Variants in CNTN4 observed in about 807,000 individuals in gnomAD.
CNTN4 encodes contactin-4.
CNTN4 carries 77 observed loss-of-function variants against 122.5 expected under a neutral mutation model. The observed-to-expected ratio is 0.63, with a 90% CI of 0.52 to 0.76. CNTN4 has a LOEUF of 0.76. Ranked by LOEUF, CNTN4 falls within the 30% of genes least tolerant of loss-of-function variation. CNTN4 has a pLI of 0.00. For synonymous variants in CNTN4, 512 were observed against 447.0 expected (o/e 1.15, Z -1.83); for missense variants, 1,256 against 1,259.1 (o/e 1.00, Z 0.04).
chr3:2,310,969 A>T (rs1305977825), intron 2 of CNTN4, among the ~76,000 whole-genome samples: 1 of 151,752 alleles, frequency 6.6e-6, no homozygotes, highest in African/African-American at 2.4e-5. Context: ...AAACAAAAAG[A>T]CTCCCTTGAC....
At chr3:2,996,672 C>G (rs1299697564) in intron 14 of CNTN4, among the ~76,000 whole-genome samples, 1 of 152,122 alleles carries the variant, frequency 6.6e-6, no homozygotes, top group Non-Finnish European at 1.5e-5. Context: ...TTTAATTGAA[C>G]TTATTACCAC....
intron 6 of CNTN4, among the ~76,000 whole-genome samples, chr3:2,794,945 C>A (rs1223874856): frequency 1.3e-5 from 2 of 152,064 alleles, no homozygotes; most frequent in Non-Finnish European, 2.9e-5. Flanking sequence ...GATCTAATCA[C>A]TTACCAATGG....
intron 3 of CNTN4, among the ~76,000 whole-genome samples, chr3:2,548,162 G>A (rs1282530831): frequency 2.0e-5 from 3 of 152,142 alleles, no homozygotes; most frequent in Admixed American, 2.0e-4. Flanking sequence ...TTGCTGTGCG[G>A]AAGCTCTTTA....
chr3:2,861,982 C>T (rs780793246), intron 7 of CNTN4, among the ~76,000 whole-genome samples: 2 of 152,230 alleles, frequency 1.3e-5, no homozygotes, highest in Non-Finnish European at 2.9e-5. Flanking sequence ...ACAGAATCAG[C>T]TCTTCTGAAT....
At chr3:2,988,243 C>A in intron 13 of CNTN4, 102 bp from the exon 14 acceptor site, 1 of 1,086,112 alleles carries the variant, frequency 9.2e-7, no homozygotes, top group Non-Finnish European at 1.4e-6. Context: ...AATAATGTAG[C>A]AATGATTTAT....
chr3:2,853,953 A>T (rs772444514), intron 7 of CNTN4, among the ~76,000 whole-genome samples: 21 of 152,212 alleles, frequency 1.4e-4, no homozygotes, highest in Non-Finnish European at 2.5e-4. Context: ...ATTGCTAAGA[A>T]GATGAAAAGT....
chr3:2,283,049 A>T (rs76466128), intron 2 of CNTN4, among the ~76,000 whole-genome samples: 1,852 of 152,224 alleles, frequency 0.012, 36 homozygotes, highest in African/African-American at 0.042. Flanking sequence ...TAGAGGAAAA[A>T]ATTCTGGAGT....
At chr3:2,560,822 G>T (rs551992671) in intron 3 of CNTN4, among the ~76,000 whole-genome samples, 3 of 152,230 alleles carry the variant, frequency 2.0e-5, no homozygotes, top group East Asian at 3.9e-4. Context: ...CGTACTGCAC[G>T]TCAGTTACTA....
At position 2,503,750 on chromosome 3, in the gene CNTN4, AT is replaced by A. The variant is rs2076659350; in HGVS notation, c.-88-67663del. ...GCATTACAGGCAAAGGAGAGAATAT[AT>A]TTACATAGATAGGAAAAATAGCATG... On this transcript the variant is annotated intron_variant, in intron 3 of 24. Transcript: ENST00000418658. 4.6e-5 allele frequency among the ~76,000 whole-genome samples: 7 copies of A among 152,202 alleles called. No individual in the cohort carries two copies. The South Asian group carries it at 1.2e-3, about 27-fold the overall frequency.
intron 2 of CNTN4, among the ~76,000 whole-genome samples, chr3:2,173,931 A>G (rs1460476303): frequency 6.6e-6 from 1 of 152,180 alleles, no homozygotes; most frequent in Non-Finnish European, 1.5e-5. Context: ...TGTTGTTGCT[A>G]TTATCGTTGT....
At chr3:2,737,886 C>G (rs1042185322) in intron 5 of CNTN4, among the ~76,000 whole-genome samples, 30 of 152,146 alleles carry the variant, frequency 2.0e-4, no homozygotes, top group African/African-American at 7.0e-4. Context: ...TTGTGTCTTT[C>G]AAACATTAAA....
chr3:2,681,571 C>A (rs911421384), intron 4 of CNTN4, among the ~76,000 whole-genome samples: 15 of 152,084 alleles, frequency 9.9e-5, no homozygotes, highest in African/African-American at 3.4e-4. Context: ...AACCTAAATA[C>A]CTAGATATGT....
At chr3:3,032,067 C>G (rs1699210550) in intron 16 of CNTN4, among the ~76,000 whole-genome samples, 1 of 152,152 alleles carries the variant, frequency 6.6e-6, no homozygotes, top group African/African-American at 2.4e-5. Context: ...AGAGAAATAG[C>G]AATTCCAATG....
intron 3 of CNTN4, among the ~76,000 whole-genome samples, chr3:2,363,649 ACT>A (rs2045253619): frequency 6.6e-6 from 1 of 151,972 alleles, no homozygotes; most frequent in Non-Finnish European, 1.5e-5. Context: ...GACTCTGGAA[ACT>A]CTTTTCTTTT....
At chr3:2,115,380 AG>A (rs1405203052) in intron 2 of CNTN4, among the ~76,000 whole-genome samples, 3 of 152,162 alleles carry the variant, frequency 2.0e-5, no homozygotes, top group Non-Finnish European at 4.4e-5. Context: ...TCCTTTTGAT[AG>A]TCTCCTTTTC....
intron 4 of CNTN4, among the ~76,000 whole-genome samples, chr3:2,579,170 A>G (rs1871440): frequency 0.59 from 89,111 of 152,066 alleles, 26,570 homozygotes; most frequent in East Asian, 0.73. Context: ...TGTCTTAACT[A>G]TAAGTAAAAC....
chr3:2,838,560 TAAAA>T (rs11394928), intron 7 of CNTN4, among the ~76,000 whole-genome samples: 4 of 127,924 alleles, frequency 3.1e-5, no homozygotes, highest in African/African-American at 5.7e-5. Context: ...CTATGGTTTG[TAAAA>T]AAAAAAAAAA....
At chr3:2,343,550 GA>G (rs1344916317) in intron 3 of CNTN4, among the ~76,000 whole-genome samples, 3 of 152,176 alleles carry the variant, frequency 2.0e-5, no homozygotes, top group African/African-American at 4.8e-5. Context: ...GAAACCTCTA[GA>G]GGGTAAACCC....
chr3:2,341,016 A>G (rs2044191313), intron 3 of CNTN4, among the ~76,000 whole-genome samples: 1 of 152,088 alleles, frequency 6.6e-6, no homozygotes, highest in Non-Finnish European at 1.5e-5. Flanking sequence ...CTCCTCCAGC[A>G]GGAACCATCT....
Sources: allele counts gnomAD v4.1 joint callset (sites outside exome capture counted in the v4.1 genomes callset), GRCh38; gene constraint gnomAD v4.1.1; transcripts MANE v1.5; gene names NCBI Gene and HGNC (gene_info 2026-07-23, HGNC 2026-07-21).